The following SEC24D variants were observed in gnomAD, a reference collection of about 807,000 sequenced individuals.
SEC24D encodes protein transport protein Sec24D.
Under a neutral mutation model 116.9 loss-of-function variants are expected in SEC24D, and 69 were observed. That is an observed-to-expected ratio of 0.59 (90% CI 0.49 to 0.72). The LOEUF (loss-of-function observed/expected upper bound fraction) is 0.72, where lower values mean the gene tolerates loss of function less well. Among genes scored for constraint, SEC24D ranks in the 30% least tolerant of loss-of-function variants. The pLI, the probability that SEC24D is intolerant of heterozygous loss-of-function variation, is 0.00. For missense variants in SEC24D, 1,131 were observed against 1,264.1 expected (o/e 0.89, Z 1.60); for synonymous variants, 405 against 442.8 (o/e 0.91, Z 1.07).
Position 118,796,930 on chromosome 4 carries a change from G to A in SEC24D, c.1041+753C>T, listed in dbSNP as rs10518323. 6.0e-4 allele frequency among the ~76,000 whole-genome samples: 91 copies of A among 152,196 alleles called. 2 individuals carry two copies. The South Asian group carries it at 8.5e-3, about 14-fold the overall frequency. On this transcript the variant is annotated intron_variant, in intron 8 of 22. Coordinates refer to ENST00000280551, the MANE Select transcript of SEC24D (RefSeq NM_014822.4). ...CTAGCTTACCTGGATACTACAATGG[G>A]TTATGGTCACAGCTCCAGCTGGAAG... is the stretch of plus-strand genomic sequence containing the variant.
At chr4:118,726,229 G>A (rs1725405187) in intron 22 of SEC24D, among the ~76,000 whole-genome samples, 1 of 152,194 alleles carries the variant, frequency 6.6e-6, no homozygotes. Context: ...AGCGAGAAGA[G>A]AGCCATGATA....
At chr4:118,792,341 T>C (rs1296453510) in intron 8 of SEC24D, among the ~76,000 whole-genome samples, 8 of 151,836 alleles carry the variant, frequency 5.3e-5, no homozygotes, top group Non-Finnish European at 2.9e-5. Context: ...GGCCACCCTG[T>C]CTAGGAAGTG....
intron 10 of SEC24D, chr4:118,758,357 T>A (rs1294986180): frequency 6.6e-6 from 1 of 152,274 alleles, no homozygotes; most frequent in East Asian, 1.9e-4. Context: ...TGAAATTGTG[T>A]ATGAAAATAT....
At chr4:118,765,829 TA>T (rs34403499) in intron 9 of SEC24D, among the ~76,000 whole-genome samples, 18 of 150,294 alleles carry the variant, frequency 1.2e-4, no homozygotes, top group South Asian at 4.2e-4. Context: ...GTTCTTTTTT[TA>T]AAAAAAAAAC....
At chr4:118,731,528 G>A (rs149598210) in intron 20 of SEC24D, 21 bp from the exon 21 acceptor site, 1 of 1,609,092 alleles carries the variant, frequency 6.2e-7, no homozygotes, top group South Asian at 1.1e-5. Context: ...ACAGACAAAA[G>A]AGTTAGAAAC....
intron 10 of SEC24D, among the ~76,000 whole-genome samples, chr4:118,763,607 A>T (rs1727494753): frequency 6.6e-6 from 1 of 152,210 alleles, no homozygotes; most frequent in South Asian, 2.1e-4. Context: ...ATACGCAAGA[A>T]GATGTGATTT....
At position 118,797,800 on chromosome 4, in the gene SEC24D, A is replaced by T. The variant is rs1392172319; in HGVS notation, c.924T>A (p.Ser308Arg). ...ATGTTGTACAACGGATGAATCGAGG[A>T]CTGGCATTTCCTGAAACATTCAAAA... ...DCMIQDQGNA[S>R]PRFIRCTTYC... The change falls in exon 8 of 23, where the codon AGT (serine) becomes AGA (arginine). Residue 308 changes from serine (S) to arginine (R), a missense_variant. By Grantham distance (110) the Ser-to-Arg change is moderately radical. Transcript: ENST00000280551. 1.3e-6 allele frequency: 2 copies of T among 1,599,536 alleles called. No homozygotes were observed. The highest frequency in any genetic ancestry group is 3.4e-5 in the Admixed American group (2 of 59,302).
intron 11 of SEC24D, among the ~76,000 whole-genome samples, chr4:118,754,345 C>A (rs1726977282): frequency 6.6e-6 from 1 of 152,116 alleles, no homozygotes; most frequent in Non-Finnish European, 1.5e-5. Flanking sequence ...CTCACCCCAA[C>A]CCCCACCCGA....
chr4:118,826,737 TA>T (rs199732817), intron 2 of SEC24D, among the ~76,000 whole-genome samples: 20 of 147,474 alleles, frequency 1.4e-4, no homozygotes, highest in African/African-American at 2.2e-4. Context: ...TCTAGAGAAT[TA>T]AAAAAAAAAG....
chr4:118,742,768 C>T (rs753540482), intron 15 of SEC24D, among the ~76,000 whole-genome samples: 2 of 152,180 alleles, frequency 1.3e-5, no homozygotes, highest in Non-Finnish European at 2.9e-5. Flanking sequence ...CCTGCCCAGG[C>T]ACACACATTA....
intron 15 of SEC24D, 106 bp downstream of exon 15, chr4:118,743,882 A>AT: frequency 1.0e-6 from 1 of 982,690 alleles, no homozygotes; most frequent in African/African-American, 1.6e-5. Context: ...TTGAATTTAT[A>AT]TGTGTCATCT....
intron 6 of SEC24D, among the ~76,000 whole-genome samples, chr4:118,811,272 TG>T (rs1279108527): frequency 9.9e-5 from 15 of 152,196 alleles, no homozygotes; most frequent in African/African-American, 3.6e-4. Context: ...TTATTAATGA[TG>T]GGAGGCATCA....
At chr4:118,821,385 T>C (rs950799965) in intron 3 of SEC24D, among the ~76,000 whole-genome samples, 7 of 152,246 alleles carry the variant, frequency 4.6e-5, no homozygotes, top group Non-Finnish European at 7.3e-5. Context: ...CACTGATTTT[T>C]AGGTTGCAGA....
At chr4:118,750,591 G>A (rs1345736458) in intron 13 of SEC24D, among the ~76,000 whole-genome samples, 2 of 152,186 alleles carry the variant, frequency 1.3e-5, no homozygotes, top group Admixed American at 6.5e-5. Flanking sequence ...AGAAAGACTT[G>A]TAGGGTGATG....
intron 17 of SEC24D, among the ~76,000 whole-genome samples, chr4:118,740,043 A>G (rs1726152651): frequency 6.6e-6 from 1 of 152,150 alleles, no homozygotes; most frequent in Admixed American, 6.6e-5. Context: ...TTAAAGAGGT[A>G]AATTAATTAA....
At chr4:118,732,409 G>A (rs1485724947) in intron 20 of SEC24D, among the ~76,000 whole-genome samples, 1 of 152,080 alleles carries the variant, frequency 6.6e-6, no homozygotes, top group Non-Finnish European at 1.5e-5. Flanking sequence ...CAAAGTGCTG[G>A]GATTACAGAC....
At chr4:118,817,528 G>T in intron 3 of SEC24D, 116 bp from the exon 4 acceptor site, 1 of 751,480 alleles carries the variant, frequency 1.3e-6, no homozygotes, top group Non-Finnish European at 2.0e-6. Flanking sequence ...CTAGGAAAAT[G>T]ACTGATATTA....
chr4:118,806,099 A>G, intron 6 of SEC24D, 145 bp from the exon 7 acceptor site: 2 of 589,988 alleles, frequency 3.4e-6, no homozygotes, highest in South Asian at 4.3e-5. Context: ...ACAGTCTCAC[A>G]CACTCACACA....
At chr4:118,784,237 C>A (rs1006503562) in intron 8 of SEC24D, among the ~76,000 whole-genome samples, 24 of 151,924 alleles carry the variant, frequency 1.6e-4, no homozygotes, top group African/African-American at 4.4e-4. Context: ...ATGATCAATT[C>A]AAAAGCATTT....
Sources: gnomAD v4.1 joint callset for allele counts (sites outside exome capture counted in the v4.1 genomes callset) on GRCh38, gnomAD v4.1.1 for gene constraint, MANE v1.5 for transcripts, NCBI Gene and HGNC (gene_info 2026-07-23, HGNC 2026-07-21) for gene names.